CATSPERD: variants seen among roughly 807,000 people sequenced by gnomAD.
The protein encoded by CATSPERD is catsper channel auxiliary subunit delta.
A neutral mutation model predicts 98.1 loss-of-function variants in CATSPERD; 86 were observed. The ratio of observed to expected loss-of-function variants is 0.88; its 90% confidence interval spans 0.74 to 1.05. The LOEUF (loss-of-function observed/expected upper bound fraction) is 1.05. CATSPERD is among the 50% of genes least tolerant of loss of function. The pLI, the probability that CATSPERD is intolerant of heterozygous loss-of-function variation, is 0.00. For synonymous variants in CATSPERD, 394 were observed against 390.2 expected, an observed-to-expected ratio of 1.01 and a Z score of -0.12; for missense variants, 995 against 1,005.7, an observed-to-expected ratio of 0.99 and a Z score of 0.14.
At chr19:5,748,967 T>G (rs2056151260) in intron 10 of CATSPERD, 134 bp from the exon 11 acceptor site, 1 of 564,688 alleles carries the variant, frequency 1.8e-6, no homozygotes, top group Admixed American at 3.5e-5. Context: ...TGGCCTCAAG[T>G]GATCCACCCC....
chr19:5,772,700 G>A, intron 19 of CATSPERD, 88 bp from the exon 20 acceptor site: 1 of 1,429,848 alleles, frequency 7.0e-7, no homozygotes, highest in Non-Finnish European at 9.5e-7. Flanking sequence ...CCCCCAAGCG[G>A]TTTTGCAGCC....
chr19:5,767,208 T>G (rs2145845575), intron 17 of CATSPERD, among the ~76,000 whole-genome samples: 1 of 144,798 alleles, frequency 6.9e-6, no homozygotes, highest in South Asian at 2.3e-4. Context: ...TCCCAGCTAC[T>G]CGGGAGGCTG....
intron 18 of CATSPERD, 51 bp downstream of exon 18, chr19:5,768,293 C>T: frequency 1.4e-6 from 2 of 1,419,032 alleles, no homozygotes; most frequent in East Asian, 4.7e-5. Flanking sequence ...ACCATTGGGC[C>T]TGCAAAAGCC....
At chr19:5,778,252 T>A (rs1599607989) in intron 21 of CATSPERD, 124 bp from the exon 22 acceptor site, 2 of 736,688 alleles carry the variant, frequency 2.7e-6, no homozygotes, top group African/African-American at 3.7e-5. Flanking sequence ...CAGAAGTGGG[T>A]ATACCCGGTC....
rs1249295588 is a variant in CATSPERD, at chr19:5,778,463, GATC to G, written c.2188_2190del (p.Ile730del). The G allele has an allele frequency of 1.9e-6, 3 of 1,613,826 alleles. No individual in the cohort carries two copies. Among genetic ancestry groups the G allele is most frequent in the Non-Finnish European group, 8.5e-7 (1 of 1,179,904 alleles). On this transcript the variant is annotated inframe_deletion, in exon 22 of 22. Transcript: ENST00000381624. ...TCTCTGCTGGAGTCGTCATCCTACTGATCATCTCCAGCATCCTGGGGTCCGTTT... is the reference window on the plus strand; with the variant it reads ...TCTCTGCTGGAGTCGTCATCCTACTGATCTCCAGCATCCTGGGGTCCGTTT...
chr19:5,720,913 T>TAC, intron 1 of CATSPERD, 105 bp downstream of exon 1: 1 of 865,742 alleles, frequency 1.2e-6, no homozygotes, highest in Non-Finnish European at 1.7e-6. Context: ...GAGGCTCCCC[T>TAC]TTTACTCTTT....
At chr19:5,731,866 C>T (rs1044988973) in intron 4 of CATSPERD, among the ~76,000 whole-genome samples, 3 of 152,096 alleles carry the variant, frequency 2.0e-5, no homozygotes, top group Non-Finnish European at 4.4e-5. Flanking sequence ...TGAGCCACCG[C>T]GCCCGGCCTA....
intron 8 of CATSPERD, 44 bp from the exon 9 acceptor site, chr19:5,745,869 C>A: frequency 6.2e-7 from 1 of 1,606,498 alleles, no homozygotes; most frequent in Non-Finnish European, 8.5e-7. Context: ...TGGGACTCCA[C>A]AGTAGGGTTT....
chr19:5,768,893 C>T (rs377491074), intron 18 of CATSPERD, among the ~76,000 whole-genome samples: 3 of 150,464 alleles, frequency 2.0e-5, no homozygotes, highest in African/African-American at 7.3e-5. Context: ...TGGCCGGGCC[C>T]GGTGGCTCAC....
chr19:5,724,797 G>C lies in CATSPERD; in HGVS notation c.72-11G>C. On this transcript the variant is annotated splice_polypyrimidine_tract_variant and intron_variant, in intron 1 of 21. Transcript: ENST00000381624. ...TAAAAATTGACAGATGGTCTTTCTT[G>C]TCACTTCTAGTTCTCGCACAGTGAG... 6.2e-7 allele frequency: 1 copy of C among 1,613,578 alleles called. No individual in the cohort carries two copies. Among genetic ancestry groups the C allele is most frequent in the Middle Eastern group, 1.7e-4 (1 of 6,058 alleles).
At chr19:5,765,962 G>C in intron 16 of CATSPERD, 141 bp from the exon 17 acceptor site, 1 of 511,238 alleles carries the variant, frequency 2.0e-6, no homozygotes, top group Non-Finnish European at 3.4e-6. Flanking sequence ...GTGCATCCCA[G>C]GCATCCAGGG....
At chr19:5,753,977 C>G (rs1406193413) in intron 12 of CATSPERD, among the ~76,000 whole-genome samples, 155 bp from the exon 13 acceptor site, 1 of 152,056 alleles carries the variant, frequency 6.6e-6, no homozygotes, top group Non-Finnish European at 1.5e-5. Context: ...ATCTCGAGAC[C>G]CTTCTGGAAA....
intron 20 of CATSPERD, 105 bp downstream of exon 20, chr19:5,773,070 G>C (rs1322549241): frequency 8.3e-7 from 1 of 1,198,456 alleles, no homozygotes; most frequent in East Asian, 2.5e-5. Context: ...TGGAATGAAA[G>C]AGTTGGGGCG....
chr19:5,763,998 G>A (rs940480526), intron 16 of CATSPERD, among the ~76,000 whole-genome samples: 3 of 151,162 alleles, frequency 2.0e-5, no homozygotes, highest in Non-Finnish European at 4.4e-5. Flanking sequence ...ACAAGCATGT[G>A]CCACCATGCC....
intron 7 of CATSPERD, among the ~76,000 whole-genome samples, chr19:5,739,841 A>AAAAAAAAAAAAAAG (rs1271405772): frequency 3.4e-5 from 5 of 148,816 alleles, no homozygotes; most frequent in African/African-American, 4.9e-5. Context: ...CTCATCTCAA[A>AAAAAAAAAAAAAAG]AAAAAAAAAA....
At chr19:5,748,715 C>T (rs2056144674) in intron 10 of CATSPERD, among the ~76,000 whole-genome samples, 1 of 135,664 alleles carries the variant, frequency 7.4e-6, no homozygotes, top group Admixed American at 8.3e-5. Context: ...CAGAAAATAG[C>T]TGTCATATTA....
rs964334105 is a variant in CATSPERD, at chr19:5,724,968, G to A, written c.126+106G>A. 7 of 982,474 alleles carry A rather than the reference G, an allele frequency of 7.1e-6. No individual in the cohort carries two copies. The African/African-American group carries it at 9.6e-5, about 13-fold the overall frequency. 60.9% of individuals were successfully genotyped at this position (982,474 alleles called of 1,614,324 possible). A position where few individuals can be genotyped will look rare whatever the true frequency, so the allele number is the denominator to read the frequency against. ...GGTGCCCGTGTTGTCAAGCATTTAA[G>A]ATCATTACTTTATTCAGTCTTTACA... On this transcript the variant is annotated intron_variant, in intron 2 of 21. Transcript: ENST00000381624.
intron 4 of CATSPERD, among the ~76,000 whole-genome samples, chr19:5,732,078 C>T (rs966255979): frequency 6.6e-6 from 1 of 151,896 alleles, no homozygotes; most frequent in Non-Finnish European, 1.5e-5. Context: ...TCAAGCGATT[C>T]TCCTGCCTCA....
intron 18 of CATSPERD, among the ~76,000 whole-genome samples, chr19:5,769,826 T>C (rs1016253329): frequency 2.6e-5 from 4 of 152,088 alleles, no homozygotes; most frequent in African/African-American, 4.8e-5. Context: ...GGGTGGCTCA[T>C]GCCTGTAATC....
Sources: gnomAD v4.1 joint callset for allele counts (sites outside exome capture counted in the v4.1 genomes callset) on GRCh38, gnomAD v4.1.1 for gene constraint, MANE v1.5 for transcripts, NCBI Gene and HGNC (gene_info 2026-07-23, HGNC 2026-07-21) for gene names.